The following REDIC1 variants were observed in gnomAD, a reference collection of about 807,000 sequenced individuals.
REDIC1 encodes the protein HEI10 Interacting Protein 1.
the REDIC1 span, among the ~76,000 whole-genome samples, chr12:39,807,458 T>G: frequency 1.3e-5 from 2 of 152,182 alleles, no homozygotes; most frequent in African/African-American, 4.8e-5. Context: ...AAAGAGTACA[T>G]GGGATCTCTA....
chr12:39,718,184 C>G, the REDIC1 span, among the ~76,000 whole-genome samples: 2 of 152,032 alleles, frequency 1.3e-5, no homozygotes, highest in Non-Finnish European at 1.5e-5. Flanking sequence ...CTCTTGGGTT[C>G]TCTCCCATCG....
At chr12:39,890,606 G>A in the REDIC1 span, among the ~76,000 whole-genome samples, 1 of 152,040 alleles carries the variant, frequency 6.6e-6, no homozygotes, top group Admixed American at 6.5e-5. Flanking sequence ...TAATTTGTGG[G>A]ATTTTTTTCA....
chr12:39,854,107 A>G, the REDIC1 span, among the ~76,000 whole-genome samples: 1 of 152,074 alleles, frequency 6.6e-6, no homozygotes, highest in Non-Finnish European at 1.5e-5. Context: ...TAAGCAAAAA[A>G]AAAAATAAAG....
chr12:39,815,579 G>A, the REDIC1 span, among the ~76,000 whole-genome samples: 2 of 152,144 alleles, frequency 1.3e-5, no homozygotes, highest in African/African-American at 4.8e-5. Flanking sequence ...CTTTGCCCTT[G>A]AGAAGTTTCT....
chr12:39,884,161 G>T, the REDIC1 span, among the ~76,000 whole-genome samples: 1 of 152,082 alleles, frequency 6.6e-6, no homozygotes, highest in Admixed American at 6.6e-5. Flanking sequence ...TAGAGATGGG[G>T]TCTCACTATG....
the REDIC1 span, among the ~76,000 whole-genome samples, chr12:39,799,388 G>T: frequency 6.6e-6 from 1 of 151,500 alleles, no homozygotes; most frequent in Non-Finnish European, 1.5e-5. Flanking sequence ...GGAATTACAG[G>T]CATGAGCCAC....
the REDIC1 span, among the ~76,000 whole-genome samples, chr12:39,696,209 G>T: frequency 1.3e-5 from 2 of 152,044 alleles, no homozygotes; most frequent in Non-Finnish European, 2.9e-5. Context: ...TCTACAAGCA[G>T]CAAGACCATC....
the REDIC1 span, among the ~76,000 whole-genome samples, chr12:39,655,650 C>A: frequency 6.6e-6 from 1 of 152,120 alleles, no homozygotes; most frequent in South Asian, 2.1e-4. Context: ...GTTGGACTTC[C>A]CTGATGGTTT....
chr12:39,711,592 T>TGTGCATACACATGC, the REDIC1 span, among the ~76,000 whole-genome samples: 137 of 13,398 alleles, frequency 0.01, 1 homozygote, highest in Admixed American at 0.023. Flanking sequence ...TGCATGTGTA[T>TGTGCATACACATGC]ATGTGTATAC....
chr12:39,760,818 C>T, the REDIC1 span, among the ~76,000 whole-genome samples: 2 of 151,874 alleles, frequency 1.3e-5, no homozygotes, highest in African/African-American at 4.8e-5. Flanking sequence ...TTCTAAGGGT[C>T]ATGATAGCAA....
the REDIC1 span, among the ~76,000 whole-genome samples, chr12:39,807,988 T>G: frequency 6.6e-6 from 1 of 152,150 alleles, no homozygotes; most frequent in Non-Finnish European, 1.5e-5. Flanking sequence ...TATTCATGTA[T>G]AATATACAAA....
the REDIC1 span, among the ~76,000 whole-genome samples, chr12:39,703,785 A>C: frequency 6.6e-6 from 1 of 152,202 alleles, no homozygotes; most frequent in African/African-American, 2.4e-5. Context: ...ACATATCTAC[A>C]ACTATCTGAT....
At chr12:39,671,985 G>A in the REDIC1 span, among the ~76,000 whole-genome samples, 1 of 152,232 alleles carries the variant, frequency 6.6e-6, no homozygotes, top group South Asian at 2.1e-4. Context: ...GCTAGGTGAG[G>A]CAGGCCTCTT....
chr12:39,682,702 A>G, the REDIC1 span: 3 of 1,612,952 alleles, frequency 1.9e-6, no homozygotes, highest in Non-Finnish European at 2.5e-6. Context: ...GTCAGACTAC[A>G]TTACTGAAAA....
chr12:39,701,436 GCAA>G, the REDIC1 span, among the ~76,000 whole-genome samples: 1 of 152,200 alleles, frequency 6.6e-6, no homozygotes, highest in Non-Finnish European at 1.5e-5. Context: ...GATTCATAAA[GCAA>G]GATTCCTGAG....
At chr12:39,784,750 C>T in the REDIC1 span, among the ~76,000 whole-genome samples, 149,128 of 152,202 alleles carry the variant, frequency 0.98, 73,069 homozygotes, top group East Asian at 1. Flanking sequence ...TAAAGAGCTT[C>T]TGCACAGCAA....
chr12:39,626,198 C>T, the REDIC1 span: 21 of 838,710 alleles, frequency 2.5e-5, no homozygotes, highest in South Asian at 1.7e-4. Flanking sequence ...GGGCCTCAGG[C>T]GGTGGACCAG....
At chr12:39,772,080 C>T in the REDIC1 span, among the ~76,000 whole-genome samples, 2,127 of 152,152 alleles carry the variant, frequency 0.014, 45 homozygotes, top group African/African-American at 0.048. Flanking sequence ...TTTCACTTTC[C>T]TCATTTATGT....
chr12:39,840,259 T>C, the REDIC1 span, among the ~76,000 whole-genome samples: 14 of 152,130 alleles, frequency 9.2e-5, no homozygotes, highest in East Asian at 2.5e-3. Context: ...CGCCCAGCCT[T>C]GTACTCTCCA....
Sources: allele counts gnomAD v4.1 joint callset (sites outside exome capture counted in the v4.1 genomes callset), GRCh38; gene constraint gnomAD v4.1.1; transcripts MANE v1.5; gene names NCBI Gene and HGNC (gene_info 2026-07-23, HGNC 2026-07-21).